LRRTM4: variants seen among roughly 807,000 people sequenced by gnomAD.
LRRTM4 encodes leucine-rich repeat transmembrane neuronal protein 4.
A neutral mutation model predicts 47.6 loss-of-function variants in LRRTM4; 25 were observed. The observed-to-expected ratio is 0.53, with a 90% CI of 0.38 to 0.73. The LOEUF is 0.73. Among genes scored for constraint, LRRTM4 ranks in the 30% least tolerant of loss-of-function variants. The probability of loss-of-function intolerance (pLI) is 0.00; values close to 1 mark genes in which losing one functional copy is unlikely to be tolerated. For synonymous variants in LRRTM4, 311 were observed against 269.5 expected (o/e 1.15, Z -1.51); for missense variants, 638 against 713.4 (o/e 0.89, Z 1.20).
rs116241766 is a variant in LRRTM4, at chr2:76,921,225, C to G, written c.1552-172309G>C. On this transcript the variant is annotated intron_variant, in intron 3 of 3. Transcript: ENST00000409884. ...GATGACTTGACAATTTTAAGGAGCACTGGTCAAGTATTTTGTAGAATGTTG... is the reference window on the plus strand; with the variant it reads ...GATGACTTGACAATTTTAAGGAGCAGTGGTCAAGTATTTTGTAGAATGTTG... 2.2e-3 allele frequency among the ~76,000 whole-genome samples: 336 copies of G among 152,160 alleles called. 2 individuals carry two copies. The highest frequency in any genetic ancestry group is 7.4e-3 in the African/African-American group (306 of 41,542).
chr2:76,885,434 G>A (rs890298633), intron 3 of LRRTM4, among the ~76,000 whole-genome samples: 3 of 150,802 alleles, frequency 2.0e-5, no homozygotes, highest in African/African-American at 7.3e-5. Context: ...TGACTGGTAA[G>A]CAGGAAGAAA....
At chr2:77,394,984 A>G (rs1268450839) in intron 3 of LRRTM4, among the ~76,000 whole-genome samples, 2 of 151,994 alleles carry the variant, frequency 1.3e-5, no homozygotes, top group African/African-American at 4.8e-5. Context: ...TCTTGAGGCC[A>G]GTGCTTATTT....
intron 3 of LRRTM4, among the ~76,000 whole-genome samples, chr2:76,884,475 G>A (rs527315475): frequency 1.3e-5 from 2 of 152,108 alleles, no homozygotes; most frequent in African/African-American, 4.8e-5. Flanking sequence ...ATAATTACAT[G>A]TAAGTATCTT....
chr2:77,418,765 C>A (rs918764256), intron 3 of LRRTM4, among the ~76,000 whole-genome samples: 1 of 152,178 alleles, frequency 6.6e-6, no homozygotes, highest in Non-Finnish European at 1.5e-5. Context: ...GAGTCATACA[C>A]ATGACTTTGC....
At chr2:77,359,709 C>A (rs762028855) in intron 3 of LRRTM4, among the ~76,000 whole-genome samples, 73 of 152,188 alleles carry the variant, frequency 4.8e-4, no homozygotes, top group Non-Finnish European at 9.7e-4. Flanking sequence ...GGATCTGCCA[C>A]TATACACAAT....
intron 3 of LRRTM4, among the ~76,000 whole-genome samples, chr2:76,798,729 G>A (rs987428917): frequency 5.3e-5 from 8 of 151,014 alleles, no homozygotes; most frequent in African/African-American, 1.9e-4. Context: ...AGAAAAGAGA[G>A]AAGAATCAAA....
chr2:76,834,820 A>C (rs1419400627), intron 3 of LRRTM4, among the ~76,000 whole-genome samples: 8 of 152,194 alleles, frequency 5.3e-5, no homozygotes. Context: ...ATACCAGGGC[A>C]TATTATGTTA....
At chr2:77,030,567 G>T (rs979282804) in intron 3 of LRRTM4, among the ~76,000 whole-genome samples, 3 of 152,080 alleles carry the variant, frequency 2.0e-5, no homozygotes, top group African/African-American at 7.2e-5. Context: ...TATACTTCCA[G>T]AATTTATAGA....
At chr2:77,082,326 G>A (rs1680559441) in intron 3 of LRRTM4, among the ~76,000 whole-genome samples, 1 of 151,878 alleles carries the variant, frequency 6.6e-6, no homozygotes, top group Non-Finnish European at 1.5e-5. Context: ...CACTTATGAT[G>A]TGTCTCATAT....
At chr2:77,094,233 G>C (rs1455968961) in intron 3 of LRRTM4, among the ~76,000 whole-genome samples, 1 of 152,140 alleles carries the variant, frequency 6.6e-6, no homozygotes, top group Non-Finnish European at 1.5e-5. Flanking sequence ...GCAAGGAGCT[G>C]AAAGAGCTGT....
chr2:77,007,024 GTTTT>G (rs1219394180), intron 3 of LRRTM4, among the ~76,000 whole-genome samples: 1 of 151,886 alleles, frequency 6.6e-6, no homozygotes, highest in Non-Finnish European at 1.5e-5. Context: ...TGTTGGCTTT[GTTTT>G]TTGTTTTTGT....
intron 3 of LRRTM4, among the ~76,000 whole-genome samples, chr2:76,864,048 G>C (rs1292551372): frequency 6.6e-6 from 1 of 152,204 alleles, no homozygotes; most frequent in African/African-American, 2.4e-5. Flanking sequence ...ACAATGATCA[G>C]TGTTACTAAA....
chr2:76,978,754 T>G (rs1437490526), intron 3 of LRRTM4, among the ~76,000 whole-genome samples: 1 of 152,012 alleles, frequency 6.6e-6, no homozygotes, highest in East Asian at 1.9e-4. Flanking sequence ...GCATGAGAAC[T>G]TCTTTGTTTT....
chr2:77,253,781 AT>A (rs1675686198), intron 3 of LRRTM4, among the ~76,000 whole-genome samples: 1 of 151,976 alleles, frequency 6.6e-6, no homozygotes, highest in Non-Finnish European at 1.5e-5. Context: ...AAAGTATGTA[AT>A]CTTCATTTTT....
intron 3 of LRRTM4, among the ~76,000 whole-genome samples, chr2:77,480,294 T>C (rs1007803336): frequency 6.6e-6 from 1 of 152,138 alleles, no homozygotes; most frequent in African/African-American, 2.4e-5. Flanking sequence ...TTGCAAAATA[T>C]CTCCAACACG....
chr2:77,034,429 CTAGACA>C (rs1260190132), intron 3 of LRRTM4, among the ~76,000 whole-genome samples: 2 of 151,878 alleles, frequency 1.3e-5, no homozygotes, highest in African/African-American at 2.4e-5. Context: ...ATGCACATTC[CTAGACA>C]TAAATAGTTT....
At chr2:77,109,657 A>G (rs1054758603) in intron 3 of LRRTM4, among the ~76,000 whole-genome samples, 1 of 152,152 alleles carries the variant, frequency 6.6e-6, no homozygotes, top group Non-Finnish European at 1.5e-5. Flanking sequence ...GCACATGAGA[A>G]AAATGATCAT....
chr2:76,886,414 C>T (rs966313819), intron 3 of LRRTM4, among the ~76,000 whole-genome samples: 2 of 152,098 alleles, frequency 1.3e-5, no homozygotes, highest in African/African-American at 2.4e-5. Flanking sequence ...AGTTTCTCTG[C>T]TTTAGGTTGT....
chr2:76,952,803 G>T (rs927326475), intron 3 of LRRTM4, among the ~76,000 whole-genome samples: 1 of 140,934 alleles, frequency 7.1e-6, no homozygotes, highest in Non-Finnish European at 1.5e-5. Flanking sequence ...ATGTCCGCCA[G>T]TGTGGGGGAC....
Sources: allele counts gnomAD v4.1 joint callset (sites outside exome capture counted in the v4.1 genomes callset), GRCh38; gene constraint gnomAD v4.1.1; transcripts MANE v1.5; gene names NCBI Gene and HGNC (gene_info 2026-07-23, HGNC 2026-07-21).